The following HACE1 variants were observed in gnomAD, a reference collection of about 807,000 sequenced individuals.
HACE1 encodes HECT domain and ankyrin repeat containing E3 ubiquitin protein ligase 1.
Under a neutral mutation model 118.4 loss-of-function variants are expected in HACE1, and 73 were observed. The ratio of observed to expected loss-of-function variants is 0.62; its 90% CI spans 0.51 to 0.75. The LOEUF (loss-of-function observed/expected upper bound fraction) is 0.75, where lower values mean the gene tolerates loss of function less well. Ranked by LOEUF, HACE1 falls within the 30% of genes least tolerant of loss-of-function variation. The probability of loss-of-function intolerance (pLI) is 0.00; values close to 1 mark genes in which losing one functional copy is unlikely to be tolerated. For synonymous variants in HACE1, 368 were observed against 374.8 expected (o/e 0.98, Z 0.21); for missense variants, 749 against 1,102.2 (o/e 0.68, Z 4.54).
chr6:104,853,504 T>C (rs1233563208), intron 1 of HACE1, among the ~76,000 whole-genome samples: 1 of 152,164 alleles, frequency 6.6e-6, no homozygotes, highest in Middle Eastern at 3.2e-3. Context: ...TTTTAATAAA[T>C]TATTTACAAA....
chr6:104,736,301 T>C (rs889040203), intron 22 of HACE1, among the ~76,000 whole-genome samples: 1 of 152,018 alleles, frequency 6.6e-6, no homozygotes, highest in Non-Finnish European at 1.5e-5. Context: ...TTATTATTTT[T>C]TGAGACAGGG....
chr6:104,791,866 C>T (rs1391466476), intron 10 of HACE1, among the ~76,000 whole-genome samples: 1 of 152,070 alleles, frequency 6.6e-6, no homozygotes, highest in African/African-American at 2.4e-5. Context: ...TTCTTAAGCA[C>T]CCAGAATATA....
At chr6:104,795,104 G>C (rs551505088) in intron 10 of HACE1, among the ~76,000 whole-genome samples, 18 of 152,096 alleles carry the variant, frequency 1.2e-4, no homozygotes, top group African/African-American at 4.3e-4. Context: ...TTAACTCCAC[G>C]AACTTAGTGA....
intron 19 of HACE1, among the ~76,000 whole-genome samples, chr6:104,752,279 C>T: frequency 6.6e-6 from 1 of 152,014 alleles, no homozygotes; most frequent in East Asian, 1.9e-4. Flanking sequence ...AAATGTGTAC[C>T]CAACAGTCAA....
In HACE1 at chr6:104,852,212, T is replaced by C. The variant is rs1483481175; in HGVS notation, c.131+105A>G. 32 of 696,882 alleles carry C rather than the reference T, an allele frequency of 4.6e-5. No individual in the cohort carries two copies. The East Asian group carries it at 8.4e-4, about 18-fold the overall frequency. The allele number at this position is 696,882 out of a possible 1,614,324, so 43.2% of individuals were successfully genotyped here. On this transcript the variant is annotated intron_variant, in intron 2 of 23. Transcript: ENST00000262903. ...TGTCCAAACTGTCTGTGTGTGTGTG[T>C]GTGTGTGTGTGTGTGTGCGCGCGTG...
chr6:104,795,651 C>T lies in HACE1; in HGVS notation c.851G>A (p.Ser284Asn), dbSNP rs757221111. 2 of 1,613,222 alleles carry T rather than the reference C, an allele frequency of 1.2e-6. No homozygotes were observed. Among genetic ancestry groups the T allele is most frequent in the South Asian group, 2.2e-5 (2 of 91,056 alleles). ...RQVLEHLSQQ[S>N]ESQYLKILTS... Reference sequence around the variant, plus strand: ...TAGAATCTTTAGGTACTGGCTTTCACTTTGCTGAGACAAATGCTCCAGAAC... The same window carrying T: ...TAGAATCTTTAGGTACTGGCTTTCATTTTGCTGAGACAAATGCTCCAGAAC... Residue 284 changes from serine to asparagine, a missense_variant, in exon 10 of 24, where the codon AGT (serine) becomes AAT (asparagine). This residue lies in a region of HACE1 where 267 missense variants were observed against 312.2 expected (regional missense o/e 0.86). Transcript: ENST00000262903.
chr6:104,814,403 A>T (rs1771911701), intron 6 of HACE1, among the ~76,000 whole-genome samples: 1 of 138,756 alleles, frequency 7.2e-6, no homozygotes. Context: ...TTGTAAGATA[A>T]ATTATATGCA....
chr6:104,831,397 C>G (rs1773854790), intron 6 of HACE1: 1 of 150,882 alleles, frequency 6.6e-6, no homozygotes, highest in South Asian at 2.1e-4. Context: ...TCAGCCTGGC[C>G]ACCATGGCAA....
intron 19 of HACE1, among the ~76,000 whole-genome samples, chr6:104,769,978 T>G (rs532808436): frequency 1.4e-4 from 22 of 152,316 alleles, no homozygotes; most frequent in African/African-American, 5.3e-4. Context: ...ACAACTAACT[T>G]TTGTGCTGTG....
At chr6:104,831,987 G>A (rs1162167516) in intron 6 of HACE1, among the ~76,000 whole-genome samples, 960 of 30,754 alleles carry the variant, frequency 0.031, 7 homozygotes, top group East Asian at 0.05. Flanking sequence ...AGAGAGGAAG[G>A]AAGGAAGGAA....
At chr6:104,809,130 A>G (rs1771330547) in intron 7 of HACE1, among the ~76,000 whole-genome samples, 1 of 152,220 alleles carries the variant, frequency 6.6e-6, no homozygotes, top group South Asian at 2.1e-4. Context: ...CATTCATTCA[A>G]AAACATCTAC....
chr6:104,859,349 C>T lies in HACE1; in HGVS notation c.76+218G>A, dbSNP rs59097609. On this transcript the variant is annotated intron_variant, in intron 1 of 23. Transcript: ENST00000262903. ...GCTCCTCCCAGCAGCGGAACCCCCA[C>T]CAACCCAGTTTCCTCCCGAAAACTC... is the stretch of plus-strand genomic sequence containing the variant. 5.8e-6 allele frequency: 3 copies of T among 513,974 alleles called. No individual in the cohort carries two copies. In the African/African-American group the frequency reaches 6.2e-5, roughly 11 times the overall value. 31.8% of individuals were successfully genotyped at this position (513,974 alleles called of 1,614,324 possible). A position where few individuals can be genotyped will look rare whatever the true frequency, so the allele number is the denominator to read the frequency against.
intron 19 of HACE1, among the ~76,000 whole-genome samples, chr6:104,755,490 C>A (rs985243942): frequency 6.6e-6 from 1 of 152,180 alleles, no homozygotes; most frequent in Non-Finnish European, 1.5e-5. Flanking sequence ...CTTCTCATCA[C>A]CACATGACAC....
intron 6 of HACE1, 84 bp from the exon 7 acceptor site, chr6:104,811,477 A>T: frequency 1.4e-6 from 1 of 698,872 alleles, no homozygotes; most frequent in Admixed American, 1.8e-5. Context: ...CATATAAGGG[A>T]AGTTCTTCCC....
intron 14 of HACE1, among the ~76,000 whole-genome samples, chr6:104,780,079 C>T (rs1401734340): frequency 1.3e-5 from 2 of 152,086 alleles, no homozygotes; most frequent in Admixed American, 6.6e-5. Flanking sequence ...TAAATAGATA[C>T]TGTTCTTATT....
intron 6 of HACE1, among the ~76,000 whole-genome samples, chr6:104,828,590 T>C (rs1037479053): frequency 2.6e-5 from 4 of 151,988 alleles, no homozygotes; most frequent in Non-Finnish European, 4.4e-5. Flanking sequence ...ATCTGATCAT[T>C]ATTAAATACG....
intron 10 of HACE1, among the ~76,000 whole-genome samples, chr6:104,794,495 C>T (rs963824536): frequency 2.0e-5 from 3 of 152,184 alleles, no homozygotes; most frequent in African/African-American, 7.2e-5. Flanking sequence ...CAGTTTCCAA[C>T]AAAATGGAAT....
chr6:104,791,669 T>A lies in HACE1; in HGVS notation c.924-15A>T. On this transcript the variant is annotated splice_polypyrimidine_tract_variant and intron_variant, in intron 10 of 23. Transcript: ENST00000262903. ...TGCTAGAGAGGCTGAAAATAAAAATTAAAATATGAGATTAGAGTAAAACAA... is the reference window on the plus strand; with the variant it reads ...TGCTAGAGAGGCTGAAAATAAAAATAAAAATATGAGATTAGAGTAAAACAA... 6.4e-7 allele frequency: 1 copy of A among 1,559,260 alleles called. No individual in the cohort carries two copies. The highest frequency in any genetic ancestry group is 8.8e-7 in the Non-Finnish European group (1 of 1,131,336).
At chr6:104,848,393 T>C (rs1377639159) in intron 4 of HACE1, among the ~76,000 whole-genome samples, 2 of 150,540 alleles carry the variant, frequency 1.3e-5, no homozygotes, top group African/African-American at 4.9e-5. Context: ...GAGATAGAGG[T>C]TGCAGCGAGC....
Sources: allele counts gnomAD v4.1 joint callset (sites outside exome capture counted in the v4.1 genomes callset), GRCh38; gene constraint gnomAD v4.1.1; regional missense constraint gnomAD v4.1.1; transcripts MANE v1.5; gene names NCBI Gene and HGNC (gene_info 2026-07-23, HGNC 2026-07-21).